Variants in LRMDA observed in about 807,000 individuals in gnomAD.
LRMDA encodes the protein leucine rich melanocyte differentiation associated.
In LRMDA, 18 loss-of-function variants were observed where a neutral mutation model predicts 29.8. That is an observed-to-expected ratio of 0.60 (90% CI 0.42 to 0.90). The LOEUF is 0.90. LRMDA is among the 40% of genes least tolerant of loss of function. The pLI is 0.00. For synonymous variants in LRMDA, 125 were observed against 109.4 expected (o/e 1.14, Z -0.89); for missense variants, 273 against 273.9 (o/e 1.00, Z 0.02).
intron 6 of LRMDA, among the ~76,000 whole-genome samples, chr10:76,341,877 C>G (rs933888564): frequency 9.2e-5 from 14 of 152,180 alleles, no homozygotes; most frequent in Middle Eastern, 6.8e-3. Context: ...ATAATAGAAT[C>G]TTTTATGACC....
At chr10:76,246,681 G>T (rs922718401) in intron 5 of LRMDA, among the ~76,000 whole-genome samples, 4 of 152,170 alleles carry the variant, frequency 2.6e-5, no homozygotes, top group Non-Finnish European at 5.9e-5. Context: ...AGTCCAACTG[G>T]CATTGCTCAT....
intron 2 of LRMDA, among the ~76,000 whole-genome samples, chr10:75,787,223 C>T (rs1266381520): frequency 3.3e-5 from 5 of 152,302 alleles, no homozygotes; most frequent in African/African-American, 1.2e-4. Flanking sequence ...AATTGGGACA[C>T]CTTAATCGGG....
chr10:75,892,680 G>A (rs1326817654), intron 2 of LRMDA, among the ~76,000 whole-genome samples: 1 of 152,084 alleles, frequency 6.6e-6, no homozygotes, highest in East Asian at 1.9e-4. Context: ...TCAAAGTTCT[G>A]CCTCTGGCAC....
At chr10:75,445,448 A>C (rs1175308216) in intron 2 of LRMDA, among the ~76,000 whole-genome samples, 1 of 152,222 alleles carries the variant, frequency 6.6e-6, no homozygotes, top group East Asian at 1.9e-4. Flanking sequence ...TACCCTCTGG[A>C]GAGGTGATAC....
chr10:76,386,242 C>T (rs1841658280), intron 6 of LRMDA, among the ~76,000 whole-genome samples: 1 of 152,038 alleles, frequency 6.6e-6, no homozygotes, highest in Admixed American at 6.6e-5. Context: ...ATTTGGATTA[C>T]CAAGTGAGTA....
At chr10:75,658,722 A>G (rs1035616306) in intron 2 of LRMDA, among the ~76,000 whole-genome samples, 2 of 152,236 alleles carry the variant, frequency 1.3e-5, no homozygotes, top group African/African-American at 4.8e-5. Flanking sequence ...GATGATGTTC[A>G]GTATAAGAGA....
intron 2 of LRMDA, among the ~76,000 whole-genome samples, chr10:75,457,072 C>G (rs1366560680): frequency 6.6e-6 from 1 of 152,166 alleles, no homozygotes; most frequent in African/African-American, 2.4e-5. Flanking sequence ...CCCTGATGAC[C>G]TTCTTGAATC....
intron 6 of LRMDA, among the ~76,000 whole-genome samples, chr10:76,399,951 C>T (rs1484734537): frequency 6.6e-6 from 1 of 152,180 alleles, no homozygotes; most frequent in East Asian, 1.9e-4. Context: ...CTTATAATAT[C>T]TGTTATCTGG....
chr10:76,361,149 T>C, intron 6 of LRMDA, among the ~76,000 whole-genome samples: 1 of 151,928 alleles, frequency 6.6e-6, no homozygotes, highest in East Asian at 1.9e-4. Context: ...TAGTCCCAGC[T>C]ACTCAGGAGG....
intron 2 of LRMDA, among the ~76,000 whole-genome samples, chr10:75,514,823 T>A (rs1438088654): frequency 6.6e-6 from 1 of 152,056 alleles, no homozygotes. Flanking sequence ...ACCTCTTTTC[T>A]TTATAAATTA....
chr10:76,026,827 C>T (rs889571784), intron 2 of LRMDA, among the ~76,000 whole-genome samples: 8 of 152,156 alleles, frequency 5.3e-5, no homozygotes, highest in Non-Finnish European at 1.5e-5. Context: ...TAGAAGCCAT[C>T]GAATCTGATC....
chr10:76,175,454 C>T lies in LRMDA; in HGVS notation c.516+116671C>T, dbSNP rs1441954433. Among the ~76,000 whole-genome samples, 10 of 152,152 alleles carry T rather than the reference C, an allele frequency of 6.6e-5. No homozygotes were observed. In the South Asian group the frequency reaches 1.0e-3, roughly 16 times the overall value. On this transcript the variant is annotated intron_variant, in intron 5 of 6. Transcript: ENST00000611255. Reference sequence around the variant, plus strand: ...CCTGGCCCACTTTCAAGTAAGTGCTCGCATTAACTATTATTTTAATGCTAT... The same window carrying T: ...CCTGGCCCACTTTCAAGTAAGTGCTTGCATTAACTATTATTTTAATGCTAT...
intron 2 of LRMDA, among the ~76,000 whole-genome samples, chr10:75,670,801 G>A (rs951777749): frequency 3.3e-5 from 5 of 152,166 alleles, no homozygotes; most frequent in Non-Finnish European, 7.3e-5. Context: ...GAGGTGGGAG[G>A]TGTGGCTGGG....
intron 2 of LRMDA, among the ~76,000 whole-genome samples, chr10:75,910,547 C>T (rs927515671): frequency 3.9e-5 from 6 of 152,146 alleles, no homozygotes; most frequent in African/African-American, 1.4e-4. Context: ...GTAACATACA[C>T]TCTGGGTTGA....
chr10:75,537,908 C>T (rs1839971628), intron 2 of LRMDA, among the ~76,000 whole-genome samples: 1 of 152,192 alleles, frequency 6.6e-6, no homozygotes, highest in Admixed American at 6.5e-5. Context: ...CAAGTCCCAG[C>T]CTCTACCTCT....
At chr10:76,233,487 A>C (rs577430594) in intron 5 of LRMDA, among the ~76,000 whole-genome samples, 46 of 152,308 alleles carry the variant, frequency 3.0e-4, no homozygotes, top group African/African-American at 1.1e-3. Context: ...AGAAGACAAC[A>C]ATGAGGTTTG....
At chr10:75,971,184 T>G (rs1846962578) in intron 2 of LRMDA, among the ~76,000 whole-genome samples, 1 of 152,334 alleles carries the variant, frequency 6.6e-6, no homozygotes, top group South Asian at 2.1e-4. Flanking sequence ...TTCACATTGG[T>G]CTGTTTTCTC....
chr10:76,552,001 A>G (rs1367132808), intron 6 of LRMDA, among the ~76,000 whole-genome samples: 1 of 152,212 alleles, frequency 6.6e-6, no homozygotes, highest in Admixed American at 6.5e-5. Context: ...TAGTATCACA[A>G]TGGGATCAAG....
chr10:76,355,377 G>T (rs1313091743), intron 6 of LRMDA, among the ~76,000 whole-genome samples: 2 of 152,102 alleles, frequency 1.3e-5, no homozygotes, highest in Non-Finnish European at 2.9e-5. Flanking sequence ...CACAGCATCA[G>T]GTTACCAAGA....
Sources: gnomAD v4.1 joint callset for allele counts (sites outside exome capture counted in the v4.1 genomes callset) on GRCh38, gnomAD v4.1.1 for gene constraint, MANE v1.5 for transcripts, NCBI Gene and HGNC (gene_info 2026-07-23, HGNC 2026-07-21) for gene names.